Variants in STIL observed in about 807,000 individuals in gnomAD.
The protein encoded by STIL is SCL-interrupting locus protein.
STIL carries 55 observed loss-of-function variants against 110.1 expected under a neutral mutation model. That is an observed-to-expected ratio of 0.50 (90% CI 0.40 to 0.63). The LOEUF (loss-of-function observed/expected upper bound fraction) is 0.63. Among genes scored for constraint, STIL ranks in the 20% least tolerant of loss-of-function variants. STIL has a pLI of 0.00. For missense variants in STIL, 1,358 were observed against 1,530.0 expected (o/e 0.89, Z 1.87); for synonymous variants, 481 against 530.0 (o/e 0.91, Z 1.27).
chr1:47,272,529 G>GCCTCAA (rs1644872301), intron 12 of STIL, among the ~76,000 whole-genome samples: 1 of 151,566 alleles, frequency 6.6e-6, no homozygotes. Flanking sequence ...GCTTATTGCA[G>GCCTCAA]CCTCAACCTC....
At chr1:47,257,889 C>T (rs1644370143) in intron 16 of STIL, among the ~76,000 whole-genome samples, 1 of 152,198 alleles carries the variant, frequency 6.6e-6, no homozygotes, top group African/African-American at 2.4e-5. Context: ...CATAGAAACT[C>T]AGTAAGTATT....
intron 1 of STIL, among the ~76,000 whole-genome samples, chr1:47,312,020 T>A (rs1646140047): frequency 6.6e-6 from 1 of 152,126 alleles, no homozygotes; most frequent in South Asian, 2.1e-4. Context: ...CACTCCAGCC[T>A]GGGCAAGAGA....
At chr1:47,301,191 C>T (rs367756055) in intron 5 of STIL, among the ~76,000 whole-genome samples, 2 of 152,240 alleles carry the variant, frequency 1.3e-5, no homozygotes, top group South Asian at 4.1e-4. Context: ...AATCCACCTG[C>T]CTCAGCTTCC....
intron 12 of STIL, among the ~76,000 whole-genome samples, chr1:47,274,011 C>CT (rs570886063): frequency 1.6e-4 from 24 of 152,242 alleles, no homozygotes; most frequent in Middle Eastern, 3.4e-3. Flanking sequence ...TCACCTAAAA[C>CT]TAAGGTTGTT....
At chr1:47,268,095 T>C (rs1270534267) in intron 14 of STIL, among the ~76,000 whole-genome samples, 1 of 152,232 alleles carries the variant, frequency 6.6e-6, no homozygotes, top group Non-Finnish European at 1.5e-5. Context: ...TATATAAATA[T>C]TAAGGTTCTA....
chr1:47,291,081 C>T (rs1188677447), intron 8 of STIL, among the ~76,000 whole-genome samples: 1 of 152,176 alleles, frequency 6.6e-6, no homozygotes, highest in African/African-American at 2.4e-5. Context: ...AACTCTTGGC[C>T]GGGTGCAGTG....
chr1:47,270,303 G>C (rs1048569301), intron 13 of STIL, among the ~76,000 whole-genome samples: 1 of 120,196 alleles, frequency 8.3e-6, no homozygotes, highest in Non-Finnish European at 1.8e-5. Context: ...CAATTACTTA[G>C]AACTAAGTTT....
intron 12 of STIL, among the ~76,000 whole-genome samples, chr1:47,274,975 A>C (rs2148905182): frequency 6.6e-6 from 1 of 151,690 alleles, no homozygotes; most frequent in Admixed American, 6.6e-5. Flanking sequence ...AACATGGTAA[A>C]ACCCTGTCTC....
intron 10 of STIL, among the ~76,000 whole-genome samples, chr1:47,286,806 C>T (rs1181646360): frequency 3.9e-5 from 6 of 152,180 alleles, no homozygotes; most frequent in African/African-American, 9.6e-5. Context: ...TGATCAATTT[C>T]AGGACCTGAG....
intron 3 of STIL, 23 bp from the exon 4 acceptor site, chr1:47,302,369 T>A (rs1422690291): frequency 7.0e-6 from 11 of 1,561,472 alleles, no homozygotes; most frequent in Non-Finnish European, 8.8e-6. Flanking sequence ...AAGTCTTTTA[T>A]GAATATGGTA....
At chr1:47,303,181 G>A (rs1376068559) in intron 3 of STIL, among the ~76,000 whole-genome samples, 2 of 152,174 alleles carry the variant, frequency 1.3e-5, no homozygotes, top group African/African-American at 2.4e-5. Context: ...ACTGGGGATA[G>A]GTACACAAAT....
At chr1:47,267,625 A>T (rs1178667470) in intron 14 of STIL, among the ~76,000 whole-genome samples, 2 of 149,496 alleles carry the variant, frequency 1.3e-5, no homozygotes, top group Non-Finnish European at 3.0e-5. Context: ...GTGAGCCAAG[A>T]TCACGCCACC....
At chr1:47,287,307 C>T (rs1190969720) in intron 10 of STIL, among the ~76,000 whole-genome samples, 1 of 152,082 alleles carries the variant, frequency 6.6e-6, no homozygotes, top group Non-Finnish European at 1.5e-5. Context: ...TTGACAAATA[C>T]TTTTGTATTT....
chr1:47,274,778 G>A (rs1337753914), intron 12 of STIL, among the ~76,000 whole-genome samples: 1 of 150,028 alleles, frequency 6.7e-6, no homozygotes, highest in Non-Finnish European at 1.5e-5. Flanking sequence ...GTAACTAGTG[G>A]TGGGGGGCAG....
At chr1:47,286,702 A>G (rs1278397955) in intron 10 of STIL, among the ~76,000 whole-genome samples, 1 of 151,992 alleles carries the variant, frequency 6.6e-6, no homozygotes, top group Admixed American at 6.6e-5. Flanking sequence ...TCAAAGAAAA[A>G]AAAGAAAAGT....
intron 16 of STIL, among the ~76,000 whole-genome samples, chr1:47,256,685 A>G (rs1331894820): frequency 2.6e-5 from 4 of 151,648 alleles, no homozygotes; most frequent in Non-Finnish European, 5.9e-5. Context: ...TTTACTGAGA[A>G]CGAGGTATTT....
In STIL at chr1:47,299,908, T is replaced by A. The variant is rs774140146; in HGVS notation, c.698A>T (p.Tyr233Phe). 20 of 1,613,502 alleles carry A rather than the reference T, an allele frequency of 1.2e-5. No individual in the cohort carries two copies. Among genetic ancestry groups the A allele is most frequent in the Non-Finnish European group, 1.5e-5 (18 of 1,179,596 alleles). ...NISQVQGTYK[Y>F]GYLTMDETRK... ...GATTAATGTATCTTTTACTTACCCA[T>A]ATTTATAAGTCCCTTGAACTTGAGA... Residue 233 changes from tyrosine (Y) to phenylalanine (F), a missense_variant, in exon 6 of 17, where the codon TAT (tyrosine) becomes TTT (phenylalanine). Transcript: ENST00000371877.
In STIL at chr1:47,281,165, C is replaced by A; in HGVS notation, c.1293G>T (p.Leu431Phe). 1 of 1,613,362 alleles carries A rather than the reference C, an allele frequency of 6.2e-7. No individual in the cohort carries two copies. Among genetic ancestry groups the A allele is most frequent in the South Asian group, 1.1e-5 (1 of 90,856 alleles). ...QPSVPELSLV[L>F]DGNFIESNPL... ...GGTTTGATTCTATGAAATTGCCATC[C>A]AACACAAGTGAAAGTTCAGGAACTG... The change falls in exon 12 of 17, where the codon TTG becomes TTT. Residue 431 changes from leucine to phenylalanine, a missense_variant. Transcript: ENST00000371877.
intron 12 of STIL, among the ~76,000 whole-genome samples, chr1:47,276,134 C>A (rs1322608254): frequency 6.6e-6 from 1 of 151,570 alleles, no homozygotes; most frequent in African/African-American, 2.4e-5. Context: ...TCCTAAGTAG[C>A]GGGATTACAG....
Sources: allele counts gnomAD v4.1 joint callset (sites outside exome capture counted in the v4.1 genomes callset), GRCh38; gene constraint gnomAD v4.1.1; transcripts MANE v1.5; gene names NCBI Gene and HGNC (gene_info 2026-07-23, HGNC 2026-07-21).